The following SGCZ variants were observed in gnomAD, a reference collection of about 807,000 sequenced individuals.
SGCZ encodes the protein sarcoglycan zeta.
In SGCZ, 40 loss-of-function variants were observed where a neutral mutation model predicts 41.3. The ratio of observed to expected loss-of-function variants is 0.97; its 90% CI spans 0.75 to 1.26. The LOEUF (loss-of-function observed/expected upper bound fraction) is 1.26. Among genes scored for constraint, SGCZ ranks in the 50% most tolerant of loss-of-function variants. The pLI is 0.00. For synonymous variants in SGCZ, 206 were observed against 137.5 expected (o/e 1.50, Z -3.49); for missense variants, 552 against 369.8 (o/e 1.49, Z -4.04).
chr8:15,059,369 G>C (rs1329765348), intron 1 of SGCZ, among the ~76,000 whole-genome samples: 1 of 152,118 alleles, frequency 6.6e-6, no homozygotes, highest in African/African-American at 2.4e-5. Context: ...TGTTAAAAGA[G>C]CGGATATGTC....
At chr8:14,386,246 T>C (rs938529534) in intron 2 of SGCZ, among the ~76,000 whole-genome samples, 22 of 151,504 alleles carry the variant, frequency 1.5e-4, no homozygotes, top group African/African-American at 4.9e-4. Flanking sequence ...CCTGCTATGA[T>C]AAATTTTGTT....
intron 1 of SGCZ, among the ~76,000 whole-genome samples, chr8:15,016,392 G>C (rs1455380088): frequency 6.6e-6 from 1 of 152,186 alleles, no homozygotes; most frequent in Non-Finnish European, 1.5e-5. Flanking sequence ...ACATGGCGAT[G>C]GTAGGTGGAT....
intron 4 of SGCZ, among the ~76,000 whole-genome samples, chr8:14,177,737 G>A (rs1194314611): frequency 6.8e-6 from 1 of 147,520 alleles, no homozygotes; most frequent in Admixed American, 6.8e-5. Flanking sequence ...TGTTAGCCAG[G>A]ATGGTCTCGA....
chr8:14,274,581 T>A (rs534674485), intron 3 of SGCZ, among the ~76,000 whole-genome samples: 5 of 152,312 alleles, frequency 3.3e-5, no homozygotes, highest in African/African-American at 4.8e-5. Context: ...TTCCTAACCA[T>A]GTTATTGTAT....
chr8:14,118,661 C>T (rs188435249), intron 5 of SGCZ, among the ~76,000 whole-genome samples: 6 of 152,168 alleles, frequency 3.9e-5, no homozygotes, highest in Admixed American at 6.6e-5. Flanking sequence ...AGTGGTATTG[C>T]CTAGGTTTTC....
intron 1 of SGCZ, among the ~76,000 whole-genome samples, chr8:14,726,374 A>G (rs1227984983): frequency 1.4e-5 from 2 of 145,972 alleles, no homozygotes; most frequent in African/African-American, 4.9e-5. Flanking sequence ...TTTCAGTTAC[A>G]TGACAGACAA....
chr8:14,221,070 G>C (rs1806176496), intron 4 of SGCZ, among the ~76,000 whole-genome samples: 1 of 151,924 alleles, frequency 6.6e-6, no homozygotes, highest in Non-Finnish European at 1.5e-5. Context: ...GAAATACAGA[G>C]GCTAGGAGCC....
chr8:14,566,201 AG>A, intron 1 of SGCZ, among the ~76,000 whole-genome samples: 1 of 152,272 alleles, frequency 6.6e-6, no homozygotes, highest in Non-Finnish European at 1.5e-5. Flanking sequence ...ATAAAGAGAA[AG>A]CAGTTGGACT....
intron 1 of SGCZ, among the ~76,000 whole-genome samples, chr8:15,027,530 T>C (rs891741355): frequency 5.3e-5 from 8 of 152,048 alleles, no homozygotes; most frequent in Non-Finnish European, 1.0e-4. Flanking sequence ...TCTAGAATAT[T>C]TACAGATAAG....
chr8:15,168,906 C>G (rs1276684717), intron 1 of SGCZ, among the ~76,000 whole-genome samples: 3 of 152,218 alleles, frequency 2.0e-5, no homozygotes, highest in Non-Finnish European at 4.4e-5. Context: ...GCTCAGCATG[C>G]TGGCAAAAGG....
chr8:15,112,309 C>T (rs977203089), intron 1 of SGCZ, among the ~76,000 whole-genome samples: 3 of 152,198 alleles, frequency 2.0e-5, no homozygotes, highest in Non-Finnish European at 4.4e-5. Context: ...TTTGTTTTAT[C>T]TTCAAGTCAT....
chr8:15,035,970 A>AGATAG (rs1803859678), intron 1 of SGCZ, among the ~76,000 whole-genome samples: 1 of 152,068 alleles, frequency 6.6e-6, no homozygotes. Context: ...CTTAGCCCAA[A>AGATAG]GATAGTATAA....
intron 2 of SGCZ, among the ~76,000 whole-genome samples, chr8:14,376,234 C>T (rs962775102): frequency 6.6e-6 from 1 of 152,072 alleles, no homozygotes; most frequent in Admixed American, 6.5e-5. Flanking sequence ...TTCCTTGAAC[C>T]TGGCAGGCGG....
At chr8:15,113,546 T>C (rs1243179050) in intron 1 of SGCZ, among the ~76,000 whole-genome samples, 2 of 152,160 alleles carry the variant, frequency 1.3e-5, no homozygotes. Flanking sequence ...AACATCTGAC[T>C]TCGGTGCCTG....
At chr8:14,986,165 G>T (rs1801819596) in intron 1 of SGCZ, among the ~76,000 whole-genome samples, 1 of 151,874 alleles carries the variant, frequency 6.6e-6, no homozygotes, top group South Asian at 2.1e-4. Context: ...ATATATACAG[G>T]TATGGAACAT....
At chr8:14,358,358 T>A (rs563281038) in intron 2 of SGCZ, among the ~76,000 whole-genome samples, 1 of 152,210 alleles carries the variant, frequency 6.6e-6, no homozygotes, top group Admixed American at 6.5e-5. Context: ...AATGTAAGGA[T>A]ACAACCTATG....
At position 15,198,931 on chromosome 8, in the gene SGCZ, G is replaced by A. The variant is rs192939028; in HGVS notation, c.39+38654C>T. ...CATAGGTTTGCAGGCTAATGGAAGA[G>A]CTCCACAAAGAGCACTTTGATTCAA... On this transcript the variant is annotated intron_variant, in intron 1 of 7. Coordinates refer to ENST00000382080, the MANE Select transcript of SGCZ (RefSeq NM_139167.4). 5.4e-3 allele frequency among the ~76,000 whole-genome samples: 822 copies of A among 152,282 alleles called. 9 individuals are homozygous for A. The highest frequency in any genetic ancestry group is 0.019 in the African/African-American group (792 of 41,554).
intron 3 of SGCZ, among the ~76,000 whole-genome samples, chr8:14,257,910 A>G (rs1279933431): frequency 6.6e-6 from 1 of 152,202 alleles, no homozygotes; most frequent in Non-Finnish European, 1.5e-5. Context: ...GGAAAGATAT[A>G]GATATAGATA....
intron 1 of SGCZ, among the ~76,000 whole-genome samples, chr8:14,587,773 G>C (rs1348030658): frequency 6.6e-6 from 1 of 152,146 alleles, no homozygotes. Context: ...TCAGGAAGAT[G>C]AGACTTACAA....
Sources: allele counts gnomAD v4.1 joint callset (sites outside exome capture counted in the v4.1 genomes callset), GRCh38; gene constraint gnomAD v4.1.1; transcripts MANE v1.5; gene names NCBI Gene and HGNC (gene_info 2026-07-23, HGNC 2026-07-21).